TTC7B: variants seen among roughly 807,000 people sequenced by gnomAD.
TTC7B encodes tetratricopeptide repeat protein 7B.
TTC7B carries 28 observed loss-of-function variants against 106.8 expected under a neutral mutation model. The ratio of observed to expected loss-of-function variants is 0.26; its 90% CI spans 0.19 to 0.36. TTC7B has a LOEUF of 0.36. TTC7B is among the 10% of genes least tolerant of loss of function. TTC7B has a pLI of 1.00. For synonymous variants in TTC7B, 405 were observed against 430.6 expected (o/e 0.94, Z 0.74); for missense variants, 862 against 1,076.4 (o/e 0.80, Z 2.79).
At position 90,744,876 on chromosome 14, in the gene TTC7B, G is replaced by T; in HGVS notation, c.492C>A (p.Leu164=). ...KLPISSSTSN[L]HVDREQDVIT... is the part of the protein sequence containing the mutation. ...TGACATCCTGTTCCCGGTCCACATG[G>T]AGATTACTGGTAGAAGAAGAAATAG... The change falls in exon 4 of 20, where the codon CTC becomes CTA. Residue 164 remains leucine (L), a synonymous_variant. Coordinates refer to ENST00000328459, the MANE Select transcript of TTC7B (RefSeq NM_001010854.2). 6.2e-7 allele frequency: 1 copy of T among 1,614,028 alleles called. No homozygotes were observed. Among genetic ancestry groups the T allele is most frequent in the Non-Finnish European group, 8.5e-7 (1 of 1,179,978 alleles).
At position 90,526,877 on chromosome 14, in the gene TTC7B, T is replaced by G. The variant is rs1478376744; in HGVS notation, c.*14491A>C. On this transcript the variant is annotated 3_prime_UTR_variant, in exon 20 of 20. Transcript: ENST00000328459. ...CTCGTTTTCTTTATAAATTACCTAGTCTCGGGTATGTCTTTATTAGCTGCA... is the reference window on the plus strand; with the variant it reads ...CTCGTTTTCTTTATAAATTACCTAGGCTCGGGTATGTCTTTATTAGCTGCA... The G allele has an allele frequency of 1.3e-5, 2 of 152,168 alleles. No individual in the cohort carries two copies. The highest frequency in any genetic ancestry group is 2.9e-5 in the Non-Finnish European group (2 of 68,036). 9.4% of individuals were successfully genotyped at this position (152,168 alleles called of 1,614,324 possible). A position where few individuals can be genotyped will look rare whatever the true frequency, so the allele number is the denominator to read the frequency against.
chr14:90,661,686 C>T (rs1384391992), intron 9 of TTC7B, among the ~76,000 whole-genome samples: 2 of 152,096 alleles, frequency 1.3e-5, no homozygotes, highest in Non-Finnish European at 2.9e-5. Context: ...GCAATAACAC[C>T]ACCAAGTACT....
intron 6 of TTC7B, among the ~76,000 whole-genome samples, chr14:90,693,618 A>T (rs1887558469): frequency 6.6e-6 from 1 of 152,210 alleles, no homozygotes; most frequent in Non-Finnish European, 1.5e-5. Context: ...AAGGATGCTC[A>T]AAATCATTAG....
At chr14:90,543,985 A>C (rs1182886163) in intron 19 of TTC7B, among the ~76,000 whole-genome samples, 1 of 152,198 alleles carries the variant, frequency 6.6e-6, no homozygotes, top group Non-Finnish European at 1.5e-5. Context: ...ATAAGCCCCC[A>C]ACAGGGGAGC....
chr14:90,727,910 A>G (rs1889171527), intron 5 of TTC7B, among the ~76,000 whole-genome samples: 2 of 152,190 alleles, frequency 1.3e-5, no homozygotes, highest in Admixed American at 6.5e-5. Flanking sequence ...GCTGGTGCTT[A>G]GGGACAGCAG....
At chr14:90,573,700 C>A (rs897069679) in intron 19 of TTC7B, among the ~76,000 whole-genome samples, 4 of 152,178 alleles carry the variant, frequency 2.6e-5, no homozygotes, top group African/African-American at 9.7e-5. Flanking sequence ...TTCAAAGCGG[C>A]CTCACCCCAC....
At chr14:90,683,075 T>G (rs998041988) in intron 7 of TTC7B, among the ~76,000 whole-genome samples, 2 of 152,138 alleles carry the variant, frequency 1.3e-5, no homozygotes, top group Non-Finnish European at 2.9e-5. Flanking sequence ...GTAGACACAA[T>G]CATACAAAAG....
rs140386386 is a variant in TTC7B, at chr14:90,572,916, G to A, written c.2310+5190C>T. On this transcript the variant is annotated intron_variant, in intron 19 of 19. Transcript: ENST00000328459. ...CCAGATGAGGCACATGGCCCCCAGC[G>A]TACTCTTTGGGCCAACTGCCTCAGC... Among the ~76,000 whole-genome samples the A allele has an allele frequency of 5.9e-3, 904 of 152,136 alleles. 13 individuals carry two copies. The highest frequency in any genetic ancestry group is 0.02 in the African/African-American group (841 of 41,508).
chr14:90,593,425 G>A, intron 18 of TTC7B, 61 bp downstream of exon 18: 4 of 1,498,348 alleles, frequency 2.7e-6, no homozygotes, highest in Non-Finnish European at 2.7e-6. Flanking sequence ...GCAGCGGGTT[G>A]TGGGTGGGGC....
intron 3 of TTC7B, among the ~76,000 whole-genome samples, chr14:90,747,380 C>A (rs1358647301): frequency 6.6e-6 from 1 of 152,214 alleles, no homozygotes; most frequent in Non-Finnish European, 1.5e-5. Flanking sequence ...TGATTGTAAT[C>A]TGTATCCATT....
rs936180862 is a variant in TTC7B at position 90,802,249 on chromosome 14, G to T, written c.121+13926C>A. Among the ~76,000 whole-genome samples the T allele has an allele frequency of 1.3e-5, 2 of 152,144 alleles. No homozygotes were observed. The highest frequency in any genetic ancestry group is 2.9e-5 in the Non-Finnish European group (2 of 68,014). ...CTGAGGGTTTGCTAGGGAAGGGTTT[G>T]CAGGGGGCTGGGCCAGTCCTTAGAC... is the stretch of plus-strand genomic sequence containing the variant. On this transcript the variant is annotated intron_variant, in intron 1 of 19. Transcript: ENST00000328459. The surrounding 1 kb of genome is among the most constrained non-coding windows in gnomAD (Gnocchi z 4.7).
At chr14:90,607,009 G>T (rs192443137) in intron 17 of TTC7B, among the ~76,000 whole-genome samples, 5 of 152,204 alleles carry the variant, frequency 3.3e-5, no homozygotes, top group African/African-American at 1.2e-4. Flanking sequence ...AGGCAAAATA[G>T]GATATTAGGG....
chr14:90,740,798 G>T (rs753155394), intron 4 of TTC7B, among the ~76,000 whole-genome samples: 2 of 151,900 alleles, frequency 1.3e-5, no homozygotes, highest in African/African-American at 4.8e-5. Context: ...CACCACACCC[G>T]GCCTCTTTAA....
At chr14:90,766,967 TG>T in intron 3 of TTC7B, 1 of 1,415,998 alleles carries the variant, frequency 7.1e-7, no homozygotes, top group Non-Finnish European at 9.8e-7. Flanking sequence ...GGCCGCACTG[TG>T]GGTGTGTCCA....
At chr14:90,709,981 G>GAAAA (rs71461919) in intron 5 of TTC7B, among the ~76,000 whole-genome samples, 19 of 76,576 alleles carry the variant, frequency 2.5e-4, no homozygotes, top group East Asian at 5.4e-4. Context: ...TTATGTGCCA[G>GAAAA]AAAAAAAAAA....
In TTC7B at chr14:90,816,383, G is replaced by A; in HGVS notation, c.-88C>T. 2 of 748,916 alleles carry A rather than the reference G, an allele frequency of 2.7e-6. No homozygotes were observed. The highest frequency in any genetic ancestry group is 3.2e-6 in the Non-Finnish European group (2 of 617,452). 46.4% of individuals were successfully genotyped at this position (748,916 alleles called of 1,614,324 possible). ...CTCGCCGCCTCCCGCCGCCGCCGCG[G>A]GCTCGGGCTCCGGCTCCCGGCTCCG... On this transcript the variant is annotated 5_prime_UTR_variant, in exon 1 of 20. Transcript: ENST00000328459.
chr14:90,655,054 T>C lies in TTC7B; in HGVS notation c.1398A>G (p.Ser466=). The C allele has an allele frequency of 6.2e-7, 1 of 1,614,242 alleles. No homozygotes were observed. Among genetic ancestry groups the C allele is most frequent in the Non-Finnish European group, 8.5e-7 (1 of 1,180,046 alleles). Reference sequence around the variant, plus strand: ...CTAAGTAGCCTTTGGCCTTGAACTCTGACGTTTTCTCTCCCACATCAACGA... The same window carrying C: ...CTAAGTAGCCTTTGGCCTTGAACTCCGACGTTTTCTCTCCCACATCAACGA... The part of the protein sequence containing the change: ...KTVVDVGEKT[S]EFKAKGYLAL... Residue 466 remains serine, a synonymous_variant, in exon 12 of 20, where the codon TCA becomes TCG. Transcript: ENST00000328459.
Position 90,529,530 on chromosome 14 carries a change from G to A in TTC7B, c.*11838C>T, listed in dbSNP as rs1025227247. 6.6e-6 allele frequency: 1 copy of A among 152,200 alleles called. No homozygotes were observed. Among genetic ancestry groups the A allele is most frequent in the African/African-American group, 2.4e-5 (1 of 41,446 alleles). 9.4% of individuals were successfully genotyped at this position (152,200 alleles called of 1,614,324 possible). ...TCAGAGATGCTAGGAGAAAACATGA[G>A]CATGTGAGTGGCTAAGAGTATGGAT... On this transcript the variant is annotated 3_prime_UTR_variant, in exon 20 of 20. Coordinates refer to ENST00000328459, the MANE Select transcript of TTC7B (RefSeq NM_001010854.2).
intron 19 of TTC7B, among the ~76,000 whole-genome samples, chr14:90,562,075 C>A (rs1890615718): frequency 6.6e-6 from 1 of 152,126 alleles, no homozygotes; most frequent in Non-Finnish European, 1.5e-5. Flanking sequence ...GTACCATGTA[C>A]CAGCTGCTGC....
Sources: allele counts gnomAD v4.1 joint callset (sites outside exome capture counted in the v4.1 genomes callset), GRCh38; gene constraint gnomAD v4.1.1; non-coding constraint Gnocchi (gnomAD v3.1); transcripts MANE v1.5; gene names NCBI Gene and HGNC (gene_info 2026-07-23, HGNC 2026-07-21).